The following HOMER2 variants were observed in gnomAD, a reference collection of about 807,000 sequenced individuals.
The protein encoded by HOMER2 is homer protein homolog 2.
HOMER2 carries 27 observed loss-of-function variants against 47.0 expected under a neutral mutation model. That is an observed-to-expected ratio of 0.57 (90% CI 0.42 to 0.79). The LOEUF (loss-of-function observed/expected upper bound fraction) is 0.79. HOMER2 is among the 30% of genes least tolerant of loss of function. HOMER2 has a pLI of 0.00. For synonymous variants in HOMER2, 161 were observed against 163.8 expected (o/e 0.98, Z 0.13); for missense variants, 443 against 435.0 (o/e 1.02, Z -0.16).
intron 1 of HOMER2, among the ~76,000 whole-genome samples, chr15:82,897,361 G>A (rs1354044765): frequency 6.6e-6 from 1 of 152,086 alleles, no homozygotes; most frequent in Non-Finnish European, 1.5e-5. Context: ...ACTGCACCCA[G>A]CAATTTGATA....
chr15:82,965,287 G>A (rs544744691), intron 1 of HOMER2, among the ~76,000 whole-genome samples: 3 of 152,264 alleles, frequency 2.0e-5, no homozygotes, highest in Non-Finnish European at 1.5e-5. Flanking sequence ...CCAAAGTACT[G>A]ATGTTACAGG....
At chr15:82,894,803 A>G (rs2052851989) in intron 1 of HOMER2, among the ~76,000 whole-genome samples, 4 of 152,048 alleles carry the variant, frequency 2.6e-5, no homozygotes, top group Admixed American at 2.0e-4. Flanking sequence ...GAGATAAAAT[A>G]AAAGAGACAT....
exon 2 of HOMER2, chr15:82,842,529 GTC>G (rs2051187590): frequency 6.7e-6 from 1 of 148,202 alleles, no homozygotes; most frequent in Non-Finnish European, 1.5e-5. Flanking sequence ...ATCCAGGCTG[GTC>G]TCGAACTCCT....
At chr15:82,980,420 C>T (rs1221551543) in intron 1 of HOMER2, among the ~76,000 whole-genome samples, 1 of 152,160 alleles carries the variant, frequency 6.6e-6, no homozygotes, top group Admixed American at 6.5e-5. Flanking sequence ...CCTGCCTTTT[C>T]TTTCCTAATG....
At chr15:82,916,356 G>T (rs1212815928) in intron 1 of HOMER2, among the ~76,000 whole-genome samples, 1 of 152,150 alleles carries the variant, frequency 6.6e-6, no homozygotes, top group South Asian at 2.1e-4. Context: ...GAATATCCCA[G>T]GAAACAAGAC....
chr15:82,893,329 CTT>C (rs771392216), intron 1 of HOMER2, among the ~76,000 whole-genome samples: 11 of 118,926 alleles, frequency 9.2e-5, no homozygotes, highest in South Asian at 2.6e-4. Flanking sequence ...ATAATTTTAT[CTT>C]TTTTTTTTTT....
intron 1 of HOMER2, among the ~76,000 whole-genome samples, chr15:82,983,735 G>A (rs1050252277): frequency 8.6e-5 from 13 of 151,672 alleles, no homozygotes; most frequent in Admixed American, 7.9e-4. Flanking sequence ...GATTACAGGC[G>A]CCCCTGACCA....
chr15:82,867,875 A>G (rs1362901643), intron 3 of HOMER2, among the ~76,000 whole-genome samples: 2 of 152,174 alleles, frequency 1.3e-5, no homozygotes, highest in African/African-American at 2.4e-5. Flanking sequence ...GGAACACTGG[A>G]AACAACCCAG....
chr15:82,888,669 C>G lies in HOMER2; in HGVS notation c.162+4016G>C, dbSNP rs570349980. Among the ~76,000 whole-genome samples the G allele has an allele frequency of 2.7e-5, 2 of 75,000 alleles. 1 individual carries two copies. The highest frequency in any genetic ancestry group is 2.8e-4 in the Admixed American group (2 of 7,074). 49.2% of individuals were successfully genotyped at this position (75,000 alleles called of 152,430 possible). ...AGTGATCCGATTTTCCAGGTGCGTC[C>G]GTCACCCCTTTCTTTGACTCGGAAA... On this transcript the variant is annotated intron_variant, in intron 2 of 8. Coordinates refer to ENST00000450735, the MANE Select transcript of HOMER2 (RefSeq NM_004839.4).
intron 1 of HOMER2, among the ~76,000 whole-genome samples, chr15:82,945,087 C>A (rs1023100498): frequency 2.0e-5 from 3 of 152,050 alleles, no homozygotes; most frequent in African/African-American, 4.8e-5. Context: ...ACTAAGGAGC[C>A]GTGACTCACC....
chr15:82,845,807 C>CA (rs1472759804), downstream of HOMER2: 3 of 152,118 alleles, frequency 2.0e-5, no homozygotes, highest in African/African-American at 7.2e-5. Context: ...GGCTCTCATC[C>CA]AAAATTGTCC....
rs565386512 is a variant in HOMER2 at position 82,931,787 on chromosome 15, G to A, written c.5+20744C>T. Among the ~76,000 whole-genome samples, 4 of 152,214 alleles carry A rather than the reference G, an allele frequency of 2.6e-5. No individual in the cohort carries two copies. In the South Asian group the frequency reaches 6.2e-4, roughly 24 times the overall value. On this transcript the variant is annotated intron_variant, in intron 1 of 8. Coordinates refer to ENST00000450735, the MANE Select transcript of HOMER2 (RefSeq NM_004839.4). ...CAAAAGGCAGAGGTTGCCATGAGCC[G>A]AGATCGCGCCACTGCACTCCAGCAT...
At position 82,952,569 on chromosome 15, in the gene HOMER2, G is replaced by T; in HGVS notation, c.-34C>A. 6 of 1,166,172 alleles carry T rather than the reference G, an allele frequency of 5.1e-6. No individual in the cohort carries two copies. The highest frequency in any genetic ancestry group is 6.3e-6 in the Non-Finnish European group (6 of 946,036). The allele number at this position is 1,166,172 out of a possible 1,614,324, so 72.2% of individuals were successfully genotyped here. A position where few individuals can be genotyped will look rare whatever the true frequency, so the allele number is the denominator to read the frequency against. The stretch of plus-strand genomic sequence containing the variant: ...CTGCTCCGGCGGCCGCTCCGACGGG[G>T]CCTCTCGCGCTCGCTCTCCGCCCGC... On this transcript the variant is annotated 5_prime_UTR_variant, in exon 1 of 9. Coordinates refer to ENST00000450735, the MANE Select transcript of HOMER2 (RefSeq NM_004839.4).
chr15:82,870,454 A>C (rs2052140269), intron 3 of HOMER2, among the ~76,000 whole-genome samples: 1 of 152,164 alleles, frequency 6.6e-6, no homozygotes, highest in African/African-American at 2.4e-5. Context: ...CACAAAGGAA[A>C]GGCCGATAAA....
intron 1 of HOMER2, among the ~76,000 whole-genome samples, chr15:82,930,381 C>T (rs564780750): frequency 7.9e-5 from 12 of 152,352 alleles, no homozygotes; most frequent in Middle Eastern, 3.4e-3. Flanking sequence ...CATGACCTGA[C>T]GTCTGTACAG....
At chr15:82,850,044 C>G (rs1238237491) in intron 8 of HOMER2, 141 bp from the exon 9 acceptor site, 3 of 764,588 alleles carry the variant, frequency 3.9e-6, no homozygotes, top group Non-Finnish European at 6.2e-6. Context: ...ACATGCTACC[C>G]CAGCACACAA....
intron 1 of HOMER2, among the ~76,000 whole-genome samples, chr15:82,930,559 G>A (rs571732894): frequency 2.6e-5 from 4 of 152,326 alleles, no homozygotes; most frequent in South Asian, 2.1e-4. Context: ...TCCACCAAGT[G>A]TACAGAGAAA....
chr15:82,856,484 T>C (rs1354077550), intron 5 of HOMER2, among the ~76,000 whole-genome samples: 1 of 152,054 alleles, frequency 6.6e-6, no homozygotes, highest in Admixed American at 6.5e-5. Context: ...CCAGGTGTGG[T>C]AGCGTGCACC....
chr15:82,835,037 T>G (rs542425037), downstream of HOMER2: 2 of 152,336 alleles, frequency 1.3e-5, no homozygotes, highest in East Asian at 3.9e-4. Flanking sequence ...CTGGTGATAT[T>G]ACTCCTGGGT....
Sources: gnomAD v4.1 joint callset for allele counts (sites outside exome capture counted in the v4.1 genomes callset) on GRCh38, gnomAD v4.1.1 for gene constraint, MANE v1.5 for transcripts, NCBI Gene and HGNC (gene_info 2026-07-23, HGNC 2026-07-21) for gene names.